The following KIF26B variants were observed in gnomAD, a reference collection of about 807,000 sequenced individuals.
KIF26B encodes the protein kinesin family member 26B.
Under a neutral mutation model 151.2 loss-of-function variants are expected in KIF26B, and 63 were observed. The ratio of observed to expected loss-of-function variants is 0.42; its 90% CI spans 0.34 to 0.51. The LOEUF is 0.51. Ranked by LOEUF, KIF26B falls within the 20% of genes least tolerant of loss-of-function variation. The pLI is 0.07. For missense variants in KIF26B, 2,813 were observed against 2,913.6 expected (o/e 0.97, Z 0.79); for synonymous variants, 1,357 against 1,262.1 (o/e 1.08, Z -1.59).
intron 9 of KIF26B, among the ~76,000 whole-genome samples, chr1:245,635,402 T>C (rs1310760265): frequency 3.3e-5 from 5 of 152,142 alleles, no homozygotes; most frequent in African/African-American, 1.2e-4. Flanking sequence ...TTCTTACACA[T>C]TGTTTAATTT....
At chr1:245,251,038 A>G (rs536706654) in intron 2 of KIF26B, among the ~76,000 whole-genome samples, 8 of 152,290 alleles carry the variant, frequency 5.3e-5, no homozygotes, top group Non-Finnish European at 8.8e-5. Flanking sequence ...GTCACATAGG[A>G]CACACTTCGT....
chr1:245,255,881 G>C lies in KIF26B; in HGVS notation c.465+99198G>C, dbSNP rs977428782. Among the ~76,000 whole-genome samples the C allele has an allele frequency of 1.1e-4, 17 of 152,094 alleles. 1 individual carries two copies. Among genetic ancestry groups the C allele is most frequent in the African/African-American group, 3.4e-4 (14 of 41,414 alleles). The stretch of plus-strand genomic sequence containing the variant: ...TAGCAATTTCTAAATTGTTAGACAT[G>C]GTTCTTCTTTGGTTTCACATAACCC... On this transcript the variant is annotated intron_variant, in intron 2 of 14. Transcript: ENST00000407071.
At chr1:245,487,804 T>TCACTTG (rs1660315447) in intron 4 of KIF26B, among the ~76,000 whole-genome samples, 1 of 149,558 alleles carries the variant, frequency 6.7e-6, no homozygotes, top group Non-Finnish European at 1.5e-5. Context: ...TCGCTCTGTC[T>TCACTTG]CATTTGCATT....
chr1:245,703,191 T>C lies in KIF26B; in HGVS notation c.*585T>C, dbSNP rs1483042735. 6.5e-6 allele frequency: 1 copy of C among 152,776 alleles called. No homozygotes were observed. Among genetic ancestry groups the C allele is most frequent in the East Asian group, 1.9e-4 (1 of 5,204 alleles). 9.5% of individuals were successfully genotyped at this position (152,776 alleles called of 1,614,324 possible). On this transcript the variant is annotated 3_prime_UTR_variant, in exon 15 of 15. Transcript: ENST00000407071. The stretch of plus-strand genomic sequence containing the variant: ...TGACTTGCTGTTTCTAAGTAAGTTG[T>C]GTTTGTAGAGCTATTTCTTAATCAG...
At chr1:245,350,500 T>C (rs1440521950) in intron 2 of KIF26B, among the ~76,000 whole-genome samples, 2 of 152,284 alleles carry the variant, frequency 1.3e-5, no homozygotes, top group South Asian at 4.2e-4. Context: ...AGTGTCCTTC[T>C]CATCTTTGGG....
intron 2 of KIF26B, among the ~76,000 whole-genome samples, chr1:245,269,856 T>A (rs1160399307): frequency 2.6e-5 from 4 of 152,182 alleles, no homozygotes; most frequent in Non-Finnish European, 5.9e-5. Flanking sequence ...TCAGTGGATG[T>A]TCAGGTTGTT....
chr1:245,465,407 G>GC (rs897779736), intron 4 of KIF26B, among the ~76,000 whole-genome samples: 3 of 5,624 alleles, frequency 5.3e-4, no homozygotes, highest in African/African-American at 5.0e-3. Context: ...GACCAGGGGA[G>GC]GGGGAAAAGC....
intron 2 of KIF26B, among the ~76,000 whole-genome samples, chr1:245,346,196 G>C (rs1672453114): frequency 6.6e-6 from 1 of 152,100 alleles, no homozygotes; most frequent in Admixed American, 6.5e-5. Flanking sequence ...ACCTGCCTCG[G>C]CCTCCCAAAG....
intron 4 of KIF26B, among the ~76,000 whole-genome samples, chr1:245,482,197 T>C (rs1252868330): frequency 6.6e-6 from 1 of 151,854 alleles, no homozygotes; most frequent in East Asian, 1.9e-4. Context: ...GTTCAAGCCA[T>C]TCTCCTGCCT....
intron 4 of KIF26B, among the ~76,000 whole-genome samples, chr1:245,494,325 A>AC (rs397830840): frequency 2.0e-5 from 3 of 150,428 alleles, no homozygotes; most frequent in South Asian, 2.1e-4. Flanking sequence ...AAACAAACAA[A>AC]AAACAATCAC....
chr1:245,270,634 A>G (rs1670841542), intron 2 of KIF26B, among the ~76,000 whole-genome samples: 1 of 151,992 alleles, frequency 6.6e-6, no homozygotes, highest in Non-Finnish European at 1.5e-5. Flanking sequence ...TGCTTTTGCT[A>G]TTGAGTTGTA....
chr1:245,211,603 GC>G (rs1472886864), intron 2 of KIF26B, among the ~76,000 whole-genome samples: 7 of 152,182 alleles, frequency 4.6e-5, no homozygotes, highest in Non-Finnish European at 1.5e-5. Context: ...TTGCTGTGTT[GC>G]CCAGGCTGGT....
At chr1:245,640,519 A>G (rs545456126) in intron 9 of KIF26B, among the ~76,000 whole-genome samples, 4 of 151,974 alleles carry the variant, frequency 2.6e-5, no homozygotes, top group Non-Finnish European at 5.9e-5. Context: ...ATTCCATGTT[A>G]TTATTGATAG....
At position 245,239,219 on chromosome 1, in the gene KIF26B, T is replaced by A. The variant is rs1002237761; in HGVS notation, c.465+82536T>A. On this transcript the variant is annotated intron_variant, in intron 2 of 14. Coordinates refer to ENST00000407071, the MANE Select transcript of KIF26B (RefSeq NM_018012.4). The surrounding 1 kb of genome is among the most constrained non-coding windows in gnomAD (Gnocchi z 4.3). Reference sequence around the variant, plus strand: ...TCCTCCAGAGAATGCCTCCATGTTCTTCCGTCATCCGTGCAGATATCAGGC... The same window carrying A: ...TCCTCCAGAGAATGCCTCCATGTTCATCCGTCATCCGTGCAGATATCAGGC... 2.0e-5 allele frequency among the ~76,000 whole-genome samples: 3 copies of A among 152,192 alleles called. No individual in the cohort carries two copies. The highest frequency in any genetic ancestry group is 4.4e-5 in the Non-Finnish European group (3 of 68,036).
intron 4 of KIF26B, among the ~76,000 whole-genome samples, chr1:245,452,749 T>C (rs1238152078): frequency 6.6e-6 from 1 of 152,096 alleles, no homozygotes; most frequent in Non-Finnish European, 1.5e-5. Flanking sequence ...ATATCTTCTT[T>C]GGAAAAAAAA....
At chr1:245,157,135 C>T (rs995890872) in intron 2 of KIF26B, among the ~76,000 whole-genome samples, 7 of 152,162 alleles carry the variant, frequency 4.6e-5, no homozygotes, top group Non-Finnish European at 7.3e-5. Context: ...ATCCTTTCCG[C>T]GGTTGCAGAA....
At chr1:245,443,516 AT>A (rs1372326306) in intron 4 of KIF26B, among the ~76,000 whole-genome samples, 1 of 71,550 alleles carries the variant, frequency 1.4e-5, no homozygotes, top group Non-Finnish European at 2.8e-5. Context: ...CTCACTGTTC[AT>A]CCTGCGGTCA....
chr1:245,318,978 C>T lies in KIF26B; in HGVS notation c.466-47856C>T, dbSNP rs893455293. Among the ~76,000 whole-genome samples, 2 of 152,122 alleles carry T rather than the reference C, an allele frequency of 1.3e-5. No individual in the cohort carries two copies. Among genetic ancestry groups the T allele is most frequent in the African/African-American group, 4.8e-5 (2 of 41,412 alleles). ...CAGGAAGAACACAGGGATATTTGCT[C>T]TTAGCTAGAATGGGGCAAATTGGCA... On this transcript the variant is annotated intron_variant, in intron 2 of 14. Transcript: ENST00000407071. The surrounding 1 kb of genome is among the most constrained non-coding windows in gnomAD (Gnocchi z 4.0).
chr1:245,223,727 A>T (rs1669819454), intron 2 of KIF26B, among the ~76,000 whole-genome samples: 1 of 152,176 alleles, frequency 6.6e-6, no homozygotes, highest in Admixed American at 6.5e-5. Flanking sequence ...ACACTCCTTC[A>T]GGGGGTCCCA....
Sources: allele counts gnomAD v4.1 joint callset (sites outside exome capture counted in the v4.1 genomes callset), GRCh38; gene constraint gnomAD v4.1.1; non-coding constraint Gnocchi (gnomAD v3.1); transcripts MANE v1.5; gene names NCBI Gene and HGNC (gene_info 2026-07-23, HGNC 2026-07-21).